Variants in KCNK12 observed in about 807,000 individuals in gnomAD.
KCNK12 encodes the protein potassium channel subfamily K member 12.
Under a neutral mutation model 25.3 loss-of-function variants are expected in KCNK12, and 6 were observed. That is an observed-to-expected ratio of 0.24 (90% confidence interval 0.13 to 0.47). The LOEUF (loss-of-function observed/expected upper bound fraction) is 0.47, where lower values mean the gene tolerates loss of function less well. KCNK12 is among the 20% of genes least tolerant of loss of function. KCNK12 has a pLI of 0.99. For synonymous variants in KCNK12, 331 were observed against 311.1 expected, an observed-to-expected ratio of 1.06 and a Z score of -0.67; for missense variants, 444 against 661.7, an observed-to-expected ratio of 0.67 and a Z score of 3.61.
rs1358059937 is a variant in KCNK12, at chr2:47,570,408, G to C, written c.-77C>G. On this transcript the variant is annotated 5_prime_UTR_variant, in exon 1 of 2. Coordinates refer to ENST00000327876, the MANE Select transcript of KCNK12 (RefSeq NM_022055.2). Reference sequence around the variant, plus strand: ...ACATCCCCCCGGCGGGAGCAGGAGCGTGAGGATGGTGGCCAGGGGTCCGGG... The same window carrying C: ...ACATCCCCCCGGCGGGAGCAGGAGCCTGAGGATGGTGGCCAGGGGTCCGGG... The C allele has an allele frequency of 8.3e-7, 1 of 1,202,196 alleles. No homozygotes were observed. Among genetic ancestry groups the C allele is most frequent in the East Asian group, 3.6e-5 (1 of 28,026 alleles). The allele number at this position is 1,202,196 out of a possible 1,614,324, so 74.5% of individuals were successfully genotyped here.
Position 47,519,348 on chromosome 2 carries a change from G to A in KCNK12, c.*1559C>T, listed in dbSNP as rs1668595446. On this transcript the variant is annotated 3_prime_UTR_variant, in exon 2 of 2. Coordinates refer to ENST00000327876, the MANE Select transcript of KCNK12 (RefSeq NM_022055.2). The stretch of plus-strand genomic sequence containing the variant: ...GTTCCACGCACATTTGCCAGGGAGA[G>A]AGATTTCACAGCATGGCTCCAGCTG... 1 of 152,248 alleles carries A rather than the reference G, an allele frequency of 6.6e-6. No homozygotes were observed. Among genetic ancestry groups the A allele is most frequent in the Non-Finnish European group, 1.5e-5 (1 of 68,070 alleles). 9.4% of individuals were successfully genotyped at this position (152,248 alleles called of 1,614,324 possible). A position where few individuals can be genotyped will look rare whatever the true frequency, so the allele number is the denominator to read the frequency against.
chr2:47,533,610 C>G lies in KCNK12; in HGVS notation c.392-11802G>C, dbSNP rs1013533199. On this transcript the variant is annotated intron_variant, in intron 1 of 1. Transcript: ENST00000327876. The surrounding 1 kb of genome is among the most constrained non-coding windows in gnomAD (Gnocchi z 4.7). The stretch of plus-strand genomic sequence containing the variant: ...CCTACCTCGCTGGGCCTCCATCTCC[C>G]CACCTCTGGCTCACTTCCTGCTTTG... Among the ~76,000 whole-genome samples the G allele has an allele frequency of 3.9e-5, 6 of 152,232 alleles. No homozygotes were observed. The highest frequency in any genetic ancestry group is 7.3e-5 in the Non-Finnish European group (5 of 68,040).
rs543341245 is a variant in KCNK12 at position 47,569,008 on chromosome 2, G to T, written c.391+933C>A. Among the ~76,000 whole-genome samples, 12 of 152,100 alleles carry T rather than the reference G, an allele frequency of 7.9e-5. No homozygotes were observed. In the East Asian group the frequency reaches 2.3e-3, roughly 29 times the overall value. ...TGAGTGAGAGGAGAGGAAGAAAGAGGAATGAAGGGGTGGATGGAGAGCAGG... is the reference window on the plus strand; with the variant it reads ...TGAGTGAGAGGAGAGGAAGAAAGAGTAATGAAGGGGTGGATGGAGAGCAGG... On this transcript the variant is annotated intron_variant, in intron 1 of 1. Coordinates refer to ENST00000327876, the MANE Select transcript of KCNK12 (RefSeq NM_022055.2). The surrounding 1 kb of genome is among the most constrained non-coding windows in gnomAD (Gnocchi z 4.1).
chr2:47,564,907 G>A (rs1409782235), intron 1 of KCNK12: 2 of 152,096 alleles, frequency 1.3e-5, no homozygotes, highest in African/African-American at 4.8e-5. Flanking sequence ...GTGGCTCCCG[G>A]GTGTAATCCC....
At chr2:47,552,389 C>G (rs897782923) in intron 1 of KCNK12, among the ~76,000 whole-genome samples, 2 of 152,140 alleles carry the variant, frequency 1.3e-5, no homozygotes, top group Non-Finnish European at 2.9e-5. Context: ...GCTTCATTCC[C>G]CACTTCCTTT....
rs906274881 is a variant in KCNK12, at chr2:47,551,096, T to C, written c.391+18845A>G. Among the ~76,000 whole-genome samples, 1 of 152,190 alleles carries C rather than the reference T, an allele frequency of 6.6e-6. No homozygotes were observed. The highest frequency in any genetic ancestry group is 2.4e-5 in the African/African-American group (1 of 41,446). On this transcript the variant is annotated intron_variant, in intron 1 of 1. Transcript: ENST00000327876. The surrounding 1 kb of genome is among the most constrained non-coding windows in gnomAD (Gnocchi z 5.3). Reference sequence around the variant, plus strand: ...AGAGTAAAACCCAAAGGTCTTGCCGTGGCCTGGAGACCCTGCATGACCTAG... The same window carrying C: ...AGAGTAAAACCCAAAGGTCTTGCCGCGGCCTGGAGACCCTGCATGACCTAG...
intron 1 of KCNK12, among the ~76,000 whole-genome samples, chr2:47,522,308 T>G (rs1573622687): frequency 6.6e-6 from 1 of 152,362 alleles, no homozygotes; most frequent in South Asian, 2.1e-4. Flanking sequence ...AAAACCAACA[T>G]AGATCTCTTC....
intron 1 of KCNK12, among the ~76,000 whole-genome samples, chr2:47,546,952 G>C (rs140373556): frequency 1.3e-5 from 2 of 152,258 alleles, no homozygotes; most frequent in East Asian, 3.9e-4. Context: ...CTGCCCTGAA[G>C]AACCCTGGAG....
Position 47,550,428 on chromosome 2 carries a change from G to T in KCNK12, c.391+19513C>A, listed in dbSNP as rs191427611. ...GATGGAGTCTTGCTCTGTCACCCAG[G>T]CTGGAGTGCAGTGGCATGATCTTGG... On this transcript the variant is annotated intron_variant, in intron 1 of 1. Transcript: ENST00000327876. Among the ~76,000 whole-genome samples the T allele has an allele frequency of 2.4e-4, 34 of 140,328 alleles. 1 individual carries two copies. The East Asian group carries it at 4.9e-3, about 20-fold the overall frequency. The allele number at this position is 140,328 out of a possible 152,430, so 92.1% of individuals were successfully genotyped here. A position where few individuals can be genotyped will look rare whatever the true frequency, so the allele number is the denominator to read the frequency against.
At chr2:47,544,616 T>C (rs531776681) in intron 1 of KCNK12, among the ~76,000 whole-genome samples, 21 of 152,250 alleles carry the variant, frequency 1.4e-4, no homozygotes, top group Non-Finnish European at 2.4e-4. Flanking sequence ...GAGCACTCTG[T>C]AATTTTCCAG....
At chr2:47,563,359 CTG>C (rs1669722914) in intron 1 of KCNK12, 1 of 233,190 alleles carries the variant, frequency 4.3e-6, no homozygotes, top group Non-Finnish European at 8.5e-6. Context: ...GTGTGTGTGT[CTG>C]TGTGTGCTGT....
chr2:47,535,828 C>T (rs1359558411), intron 1 of KCNK12, among the ~76,000 whole-genome samples: 2 of 152,192 alleles, frequency 1.3e-5, no homozygotes, highest in South Asian at 2.1e-4. Context: ...TTGCTGTGGC[C>T]AAAACGCCTG....
intron 1 of KCNK12, among the ~76,000 whole-genome samples, chr2:47,552,579 C>T (rs949207306): frequency 6.6e-6 from 1 of 152,138 alleles, no homozygotes; most frequent in Admixed American, 6.5e-5. Context: ...ACCATCCTGG[C>T]CAACATGGTG....
At position 47,569,695 on chromosome 2, in the gene KCNK12, C is replaced by T. The variant is rs1669848989; in HGVS notation, c.391+246G>A. 6.6e-6 allele frequency among the ~76,000 whole-genome samples: 1 copy of T among 152,126 alleles called. No homozygotes were observed. The highest frequency in any genetic ancestry group is 2.4e-5 in the African/African-American group (1 of 41,420). ...CACAAAGGTCAGATCACAGAGCCGGCCAGTGTTGGAGCACAGGCGGCCCGG... is the reference window on the plus strand; with the variant it reads ...CACAAAGGTCAGATCACAGAGCCGGTCAGTGTTGGAGCACAGGCGGCCCGG... On this transcript the variant is annotated intron_variant, in intron 1 of 1. Transcript: ENST00000327876. The surrounding 1 kb of genome is among the most constrained non-coding windows in gnomAD (Gnocchi z 4.1).
intron 1 of KCNK12, chr2:47,563,634 G>A (rs1274836474): frequency 1.3e-5 from 3 of 232,898 alleles, no homozygotes; most frequent in African/African-American, 2.2e-5. Flanking sequence ...GGGAGCGGGC[G>A]GCAACTGAGG....
chr2:47,552,498 C>T (rs563304158), intron 1 of KCNK12, among the ~76,000 whole-genome samples: 7 of 152,314 alleles, frequency 4.6e-5, no homozygotes, highest in South Asian at 4.1e-4. Flanking sequence ...TAGAGCCTGG[C>T]GGCTCATGCC....
rs890527976 is a variant in KCNK12, at chr2:47,555,307, C to G, written c.391+14634G>C. 1.3e-5 allele frequency among the ~76,000 whole-genome samples: 2 copies of G among 152,184 alleles called. No individual in the cohort carries two copies. The highest frequency in any genetic ancestry group is 4.8e-5 in the African/African-American group (2 of 41,450). ...GCAGGCAATTTGGAAGCAGCAGATG[C>G]AAAGAAAGCTCCTTATCCTCCCCTA... On this transcript the variant is annotated intron_variant, in intron 1 of 1. Coordinates refer to ENST00000327876, the MANE Select transcript of KCNK12 (RefSeq NM_022055.2). The surrounding 1 kb of genome is among the most constrained non-coding windows in gnomAD (Gnocchi z 4.5).
rs889821743 is a variant in KCNK12 at position 47,512,559 on chromosome 2, A to G, written c.*8348T>C. 9.1e-7 allele frequency: 1 copy of G among 1,104,594 alleles called. No individual in the cohort carries two copies. The highest frequency in any genetic ancestry group is 1.6e-5 in the African/African-American group (1 of 63,038). The allele number at this position is 1,104,594 out of a possible 1,614,324, so 68.4% of individuals were successfully genotyped here. A position where few individuals can be genotyped will look rare whatever the true frequency, so the allele number is the denominator to read the frequency against. The stretch of plus-strand genomic sequence containing the variant: ...AATGGACCAGAAAGGGGTCAGGAAT[A>G]TAACTTTCTCTGCCCAGATTCCAGG... On this transcript the variant is annotated 3_prime_UTR_variant, in exon 2 of 2. Coordinates refer to ENST00000327876, the MANE Select transcript of KCNK12 (RefSeq NM_022055.2).
rs1340515271 is a variant in KCNK12 at position 47,519,884 on chromosome 2, A to C, written c.*1023T>G. The C allele has an allele frequency of 6.6e-6, 1 of 152,208 alleles. No homozygotes were observed. 9.4% of individuals were successfully genotyped at this position (152,208 alleles called of 1,614,324 possible). On this transcript the variant is annotated 3_prime_UTR_variant, in exon 2 of 2. Transcript: ENST00000327876. Reference sequence around the variant, plus strand: ...TGGTTCCCAAGGACGCAGCTGGCAGAGGTGCCTCCTTCAGAGGAGGAGGAG... The same window carrying C: ...TGGTTCCCAAGGACGCAGCTGGCAGCGGTGCCTCCTTCAGAGGAGGAGGAG...
Sources: allele counts gnomAD v4.1 joint callset (sites outside exome capture counted in the v4.1 genomes callset), GRCh38; gene constraint gnomAD v4.1.1; non-coding constraint Gnocchi (gnomAD v3.1); transcripts MANE v1.5; gene names NCBI Gene and HGNC (gene_info 2026-07-23, HGNC 2026-07-21).